Variants in LRP1B observed in about 807,000 individuals in gnomAD.
LRP1B encodes the protein LDL receptor related protein 1B.
A neutral mutation model predicts 556.6 loss-of-function variants in LRP1B; 217 were observed. The observed-to-expected ratio is 0.39, with a 90% CI of 0.35 to 0.44. The LOEUF (loss-of-function observed/expected upper bound fraction) is 0.44, where lower values mean the gene tolerates loss of function less well. Among genes scored for constraint, LRP1B ranks in the 20% least tolerant of loss-of-function variants. The pLI is 1.00. For missense variants in LRP1B, 5,053 were observed against 5,620.8 expected, an observed-to-expected ratio of 0.90 and a Z score of 3.23; for synonymous variants, 2,047 against 1,865.8, an observed-to-expected ratio of 1.10 and a Z score of -2.50.
chr2:141,771,474 G>A (rs1302179294), intron 2 of LRP1B, among the ~76,000 whole-genome samples: 2 of 152,188 alleles, frequency 1.3e-5, no homozygotes, highest in African/African-American at 4.8e-5. Flanking sequence ...TTATTCCTAA[G>A]TATAAGAGAA....
intron 2 of LRP1B, among the ~76,000 whole-genome samples, chr2:141,515,994 G>A (rs1046323830): frequency 2.6e-5 from 4 of 152,194 alleles, no homozygotes; most frequent in African/African-American, 9.7e-5. Context: ...TGTCTGTGAT[G>A]ATTAAATCAA....
chr2:141,745,297 G>C (rs928446103), intron 2 of LRP1B, among the ~76,000 whole-genome samples: 2 of 152,132 alleles, frequency 1.3e-5, no homozygotes, highest in African/African-American at 4.8e-5. Context: ...CATGCCCCAA[G>C]TGGGTCTTTC....
At chr2:142,087,768 C>T (rs1223838850) in intron 1 of LRP1B, among the ~76,000 whole-genome samples, 2 of 151,874 alleles carry the variant, frequency 1.3e-5, no homozygotes, top group Non-Finnish European at 2.9e-5. Flanking sequence ...AGCAGCTTTC[C>T]TTAAGCCTAA....
chr2:141,326,764 G>A (rs1042544318), intron 3 of LRP1B, among the ~76,000 whole-genome samples: 8 of 152,222 alleles, frequency 5.3e-5, no homozygotes, highest in Non-Finnish European at 1.2e-4. Flanking sequence ...GTAGTGCCAA[G>A]TTTGTGAATC....
intron 27 of LRP1B, among the ~76,000 whole-genome samples, chr2:140,852,120 G>T (rs1692478157): frequency 6.6e-6 from 1 of 152,192 alleles, no homozygotes; most frequent in South Asian, 2.1e-4. Flanking sequence ...GAGGTCAGGA[G>T]ATTGGGACCA....
At chr2:141,563,361 GA>G in intron 2 of LRP1B, among the ~76,000 whole-genome samples, 1 of 151,988 alleles carries the variant, frequency 6.6e-6, no homozygotes, top group Non-Finnish European at 1.5e-5. Context: ...AATTGCCAAA[GA>G]AAAGAGTGTA....
At chr2:141,659,056 A>C (rs1165223029) in intron 2 of LRP1B, among the ~76,000 whole-genome samples, 2 of 152,198 alleles carry the variant, frequency 1.3e-5, no homozygotes, top group East Asian at 3.9e-4. Flanking sequence ...GGCAGGCACC[A>C]CTATACCCGA....
At chr2:140,410,039 G>T (rs2105245079) in intron 66 of LRP1B, among the ~76,000 whole-genome samples, 1 of 151,816 alleles carries the variant, frequency 6.6e-6, no homozygotes, top group South Asian at 2.1e-4. Flanking sequence ...CTGCATCAGA[G>T]AAAAAAATGG....
chr2:140,986,641 A>G (rs1450508221), intron 17 of LRP1B, among the ~76,000 whole-genome samples: 1 of 152,120 alleles, frequency 6.6e-6, no homozygotes, highest in Admixed American at 6.6e-5. Context: ...ATAGCTGAAG[A>G]CCAAATTCCT....
rs151048302 is a variant in LRP1B, at chr2:140,781,979, A to G, written c.5360-5741T>C. On this transcript the variant is annotated intron_variant, in intron 32 of 90. Transcript: ENST00000389484. ...CTTGTAATTCTTTATATTCTTCACA[A>G]TGTTTTGCATTCTTTTGAACTTTGT... is the stretch of plus-strand genomic sequence containing the variant. Among the ~76,000 whole-genome samples the G allele has an allele frequency of 2.2e-3, 341 of 152,252 alleles. 5 individuals carry two copies. The highest frequency in any genetic ancestry group is 5.6e-3 in the East Asian group (29 of 5,184).
intron 83 of LRP1B, among the ~76,000 whole-genome samples, chr2:140,299,541 T>C (rs1270309371): frequency 1.3e-5 from 2 of 152,122 alleles, no homozygotes; most frequent in African/African-American, 2.4e-5. Context: ...CAAAAAATGT[T>C]CACTAACTTT....
intron 53 of LRP1B, 88 bp downstream of exon 53, chr2:140,506,708 G>C (rs888147911): frequency 7.2e-7 from 1 of 1,381,846 alleles, no homozygotes; most frequent in Non-Finnish European, 9.9e-7. Context: ...GAAATGTGTT[G>C]CTTGTTGCTT....
Position 141,770,089 on chromosome 2 carries a change from G to A in LRP1B, c.205+40190C>T, listed in dbSNP as rs368720685. On this transcript the variant is annotated intron_variant, in intron 2 of 90. Coordinates refer to ENST00000389484, the MANE Select transcript of LRP1B (RefSeq NM_018557.3). ...CCTAAAACATCATACTGATTCAATT[G>A]ATTTCTGATTGGTTCTGGCTCCCTC... Among the ~76,000 whole-genome samples the A allele has an allele frequency of 2.0e-5, 3 of 152,162 alleles. No homozygotes were observed. The East Asian group carries it at 5.8e-4, about 29-fold the overall frequency.
At chr2:141,525,207 C>A (rs1471260684) in intron 2 of LRP1B, among the ~76,000 whole-genome samples, 1 of 151,846 alleles carries the variant, frequency 6.6e-6, no homozygotes, top group East Asian at 1.9e-4. Context: ...AGGTGATGCT[C>A]GGCTGAGAGA....
intron 1 of LRP1B, among the ~76,000 whole-genome samples, chr2:142,021,378 T>G (rs1375287800): frequency 6.6e-6 from 1 of 152,090 alleles, no homozygotes; most frequent in African/African-American, 2.4e-5. Flanking sequence ...TTACTTGACT[T>G]TGTAAGTCAT....
At chr2:140,858,460 T>TA (rs202111262) in intron 27 of LRP1B, among the ~76,000 whole-genome samples, 9,744 of 146,628 alleles carry the variant, frequency 0.066, 469 homozygotes, top group African/African-American at 0.13. Context: ...TCAACTCTGC[T>TA]AAAAAAATTA....
intron 7 of LRP1B, among the ~76,000 whole-genome samples, chr2:141,154,263 AT>A (rs943393140): frequency 2.0e-5 from 3 of 152,004 alleles, no homozygotes; most frequent in Non-Finnish European, 4.4e-5. Flanking sequence ...CACATCTTGA[AT>A]TTTGAACCAG....
intron 7 of LRP1B, among the ~76,000 whole-genome samples, chr2:141,077,736 T>C (rs955445358): frequency 2.0e-5 from 3 of 152,188 alleles, no homozygotes; most frequent in African/African-American, 7.2e-5. Flanking sequence ...CCGGATTGCC[T>C]GCCCTACAGA....
intron 7 of LRP1B, among the ~76,000 whole-genome samples, chr2:141,157,762 A>C (rs1169489004): frequency 1.3e-5 from 2 of 152,166 alleles, no homozygotes; most frequent in Admixed American, 6.5e-5. Context: ...TGAGAAAAGA[A>C]TATAGGTAAA....
Sources: allele counts gnomAD v4.1 joint callset (sites outside exome capture counted in the v4.1 genomes callset), GRCh38; gene constraint gnomAD v4.1.1; transcripts MANE v1.5; gene names NCBI Gene and HGNC (gene_info 2026-07-23, HGNC 2026-07-21).